TRMT11: variants seen among roughly 807,000 people sequenced by gnomAD.
TRMT11 encodes tRNA (guanine(10)-N(2))-methyltransferase TRMT11.
Under a neutral mutation model 62.8 loss-of-function variants are expected in TRMT11, and 53 were observed. That is an observed-to-expected ratio of 0.84 (90% CI 0.68 to 1.06). The LOEUF is 1.06. Ranked by LOEUF, TRMT11 falls within the 50% of genes least tolerant of loss-of-function variation. The probability of loss-of-function intolerance (pLI) is 0.00; values close to 1 mark genes in which losing one functional copy is unlikely to be tolerated. For missense variants in TRMT11, 556 were observed against 553.4 expected (o/e 1.00, Z -0.05); for synonymous variants, 188 against 190.3 (o/e 0.99, Z 0.10).
At chr6:126,070,682 C>A (rs1183013499) in intron 17 of TRMT11, among the ~76,000 whole-genome samples, 1 of 152,164 alleles carries the variant, frequency 6.6e-6, no homozygotes, top group Non-Finnish European at 1.5e-5. Flanking sequence ...CCTACATAAA[C>A]CAAATGTGAG....
chr6:126,125,947 T>C (rs1436821884), intron 21 of TRMT11, among the ~76,000 whole-genome samples: 1 of 152,142 alleles, frequency 6.6e-6, no homozygotes, highest in Non-Finnish European at 1.5e-5. Context: ...GATTTCTCGC[T>C]TCTTTCAAAA....
chr6:126,238,927 GTTC>G, the TRMT11 span, among the ~76,000 whole-genome samples: 3 of 152,192 alleles, frequency 2.0e-5, no homozygotes, highest in Non-Finnish European at 2.9e-5. Flanking sequence ...AGGATAGTTA[GTTC>G]TTCTTGTTGA....
intron 21 of TRMT11, among the ~76,000 whole-genome samples, chr6:126,120,400 T>C (rs1777636341): frequency 6.6e-6 from 1 of 152,202 alleles, no homozygotes; most frequent in South Asian, 2.1e-4. Flanking sequence ...TCATATCTTC[T>C]AAATTTTTCA....
intron 12 of TRMT11, 134 bp downstream of exon 12, chr6:126,021,414 G>C (rs1302238631): frequency 3.6e-6 from 4 of 1,113,022 alleles, no homozygotes; most frequent in Non-Finnish European, 3.8e-6. Context: ...TTTAGGAAGA[G>C]GCAGAAGTTG....
At chr6:126,064,824 G>A (rs987164087) in intron 17 of TRMT11, among the ~76,000 whole-genome samples, 8 of 152,196 alleles carry the variant, frequency 5.3e-5, no homozygotes, top group African/African-American at 1.9e-4. Context: ...CCACCCAGAG[G>A]TGGTTTTTGT....
chr6:126,090,251 C>G (rs1410476211), intron 17 of TRMT11, among the ~76,000 whole-genome samples: 2 of 152,192 alleles, frequency 1.3e-5, no homozygotes, highest in East Asian at 3.9e-4. Context: ...AGTGAAGCCT[C>G]TTTGGTGCAG....
chr6:126,013,505 C>T (rs1259594411), intron 11 of TRMT11, among the ~76,000 whole-genome samples: 6 of 152,174 alleles, frequency 3.9e-5, no homozygotes, highest in African/African-American at 1.4e-4. Context: ...AAGCAGTCTA[C>T]CTGCCTCAGC....
At chr6:126,133,294 T>A (rs568200841) in intron 21 of TRMT11, among the ~76,000 whole-genome samples, 1 of 152,162 alleles carries the variant, frequency 6.6e-6, no homozygotes, top group South Asian at 2.1e-4. Context: ...GTTAAGTGTC[T>A]AAATGCTTAT....
intron 21 of TRMT11, among the ~76,000 whole-genome samples, chr6:126,170,580 A>G (rs1216612381): frequency 6.6e-6 from 1 of 152,000 alleles, no homozygotes; most frequent in Admixed American, 6.6e-5. Context: ...AGTAAAGTTA[A>G]CAGGGAGAAC....
chr6:126,053,234 C>T (rs904107653), intron 17 of TRMT11, among the ~76,000 whole-genome samples: 2 of 152,130 alleles, frequency 1.3e-5, no homozygotes, highest in African/African-American at 4.8e-5. Context: ...TTCCACAGGG[C>T]AAGCCCAGTG....
At chr6:126,067,982 A>G (rs1210235848) in intron 17 of TRMT11, among the ~76,000 whole-genome samples, 1 of 152,154 alleles carries the variant, frequency 6.6e-6, no homozygotes, top group African/African-American at 2.4e-5. Context: ...ACTCTTTAGC[A>G]TGTTAGTTTT....
At chr6:126,050,797 G>A (rs946051004) in intron 16 of TRMT11, among the ~76,000 whole-genome samples, 1 of 152,140 alleles carries the variant, frequency 6.6e-6, no homozygotes, top group African/African-American at 2.4e-5. Flanking sequence ...AACCAACAGT[G>A]GGAATAGACA....
chr6:126,144,401 G>A (rs1048211528), intron 21 of TRMT11, among the ~76,000 whole-genome samples: 5 of 152,164 alleles, frequency 3.3e-5, no homozygotes, highest in African/African-American at 1.2e-4. Flanking sequence ...TCCTTGGGAA[G>A]AGCATTTTCT....
intron 17 of TRMT11, among the ~76,000 whole-genome samples, chr6:126,060,617 G>A (rs1025264065): frequency 6.6e-6 from 1 of 152,246 alleles, no homozygotes; most frequent in Non-Finnish European, 1.5e-5. Context: ...AGTCTGGGTT[G>A]GCCCTGCTCA....
the TRMT11 span, among the ~76,000 whole-genome samples, chr6:126,240,633 C>T: frequency 6.2e-4 from 94 of 152,318 alleles, 1 homozygote; most frequent in East Asian, 0.017. Flanking sequence ...GGGGGTGCCT[C>T]CCAGTTAGGC....
chr6:126,043,736 G>T (rs1469945158), downstream of TRMT11, among the ~76,000 whole-genome samples: 7 of 150,332 alleles, frequency 4.7e-5, no homozygotes, highest in Admixed American at 4.6e-4. Context: ...ACTTTTTAAT[G>T]ATTGCCATTC....
At chr6:126,239,339 C>T in the TRMT11 span, among the ~76,000 whole-genome samples, 1 of 152,162 alleles carries the variant, frequency 6.6e-6, no homozygotes, top group African/African-American at 2.4e-5. Context: ...TTTGCAGTGG[C>T]TGGTACCGGT....
At chr6:126,256,100 C>G in the TRMT11 span, among the ~76,000 whole-genome samples, 1 of 152,190 alleles carries the variant, frequency 6.6e-6, no homozygotes, top group Non-Finnish European at 1.5e-5. Context: ...CTCACATGAC[C>G]TACAGGCTGG....
At chr6:126,138,009 A>T (rs932928296) in intron 21 of TRMT11, among the ~76,000 whole-genome samples, 1 of 151,988 alleles carries the variant, frequency 6.6e-6, no homozygotes, top group South Asian at 2.1e-4. Flanking sequence ...GTACAAAAAT[A>T]TAGTTAATAG....
Sources: allele counts gnomAD v4.1 joint callset (sites outside exome capture counted in the v4.1 genomes callset), GRCh38; gene constraint gnomAD v4.1.1; transcripts MANE v1.5; gene names NCBI Gene and HGNC (gene_info 2026-07-23, HGNC 2026-07-21).